Variants in EDN1 observed in about 807,000 individuals in gnomAD.
EDN1 encodes the protein endothelin-1.
Under a neutral mutation model 21.7 loss-of-function variants are expected in EDN1, and 11 were observed. The ratio of observed to expected loss-of-function variants is 0.51; its 90% CI spans 0.32 to 0.84. The LOEUF (loss-of-function observed/expected upper bound fraction) is 0.84, where lower values mean the gene tolerates loss of function less well. EDN1 is among the 40% of genes least tolerant of loss of function. The pLI, the probability that EDN1 is intolerant of heterozygous loss-of-function variation, is 0.03. For missense variants in EDN1, 244 were observed against 262.3 expected (o/e 0.93, Z 0.48); for synonymous variants, 85 against 90.6 (o/e 0.94, Z 0.35).
chr6:12,265,766 C>G, the EDN1 span, among the ~76,000 whole-genome samples: 1 of 152,170 alleles, frequency 6.6e-6, no homozygotes, highest in African/African-American at 2.4e-5. Context: ...TGTTTAGTCC[C>G]ATGGTAGTAA....
At chr6:12,232,122 A>T in the EDN1 span, among the ~76,000 whole-genome samples, 1 of 145,566 alleles carries the variant, frequency 6.9e-6, no homozygotes, top group African/African-American at 2.5e-5. Flanking sequence ...TTTATTATAT[A>T]AAATTATAAT....
the EDN1 span, among the ~76,000 whole-genome samples, chr6:12,269,153 T>C: frequency 1.3e-5 from 2 of 152,144 alleles, no homozygotes; most frequent in African/African-American, 4.8e-5. Context: ...TTTATAGAAA[T>C]GCTACTGATT....
chr6:12,233,391 T>C, the EDN1 span, among the ~76,000 whole-genome samples: 1 of 152,214 alleles, frequency 6.6e-6, no homozygotes, highest in Non-Finnish European at 1.5e-5. Flanking sequence ...AGAAATTATC[T>C]AGTCTACCCG....
the EDN1 span, among the ~76,000 whole-genome samples, chr6:12,230,682 C>T: frequency 6.4e-4 from 97 of 152,208 alleles, no homozygotes; most frequent in African/African-American, 2.2e-3. Context: ...CAGGTAGGAA[C>T]GTGTGGGTTG....
At chr6:12,286,306 A>G (rs1762558158), upstream of EDN1, among the ~76,000 whole-genome samples, 1 of 152,252 alleles carries the variant, frequency 6.6e-6, no homozygotes, top group African/African-American at 2.4e-5. Context: ...ATTGACCATC[A>G]TATTTCCTGT....
At chr6:12,230,954 C>G in the EDN1 span, among the ~76,000 whole-genome samples, 7 of 152,286 alleles carry the variant, frequency 4.6e-5, no homozygotes, top group East Asian at 9.6e-4. Flanking sequence ...AGAACCAAAA[C>G]AGTAGTTCAT....
At position 12,290,641 on chromosome 6, in the gene EDN1, G is replaced by T; in HGVS notation, c.12G>T (p.Leu4Phe). MDYLLMIFSLLFVA... is the reference protein window; with the variant it reads MDYFLMIFSLLFVA... ...CCCTTTTTTTCAGAATGGATTATTT[G>T]CTCATGATTTTCTCTCTGCTGTTTG... The change falls in exon 1 of 5, where the codon TTG (leucine) becomes TTT (phenylalanine). Residue 4 changes from leucine (L) to phenylalanine (F), a missense_variant. Physicochemically the swap from Leu to Phe is conservative, Grantham distance 22. Transcript: ENST00000379375. The T allele has an allele frequency of 1.9e-6, 3 of 1,614,126 alleles. No homozygotes were observed. The highest frequency in any genetic ancestry group is 1.7e-4 in the Middle Eastern group (1 of 6,060).
At chr6:12,292,649 C>A in intron 2 of EDN1, 140 bp downstream of exon 2, 1 of 1,006,510 alleles carries the variant, frequency 9.9e-7, no homozygotes. Context: ...GGACAGTTTC[C>A]CTCTATTCCT....
At chr6:12,285,254 TA>T in the EDN1 span, among the ~76,000 whole-genome samples, 1 of 152,268 alleles carries the variant, frequency 6.6e-6, no homozygotes, top group African/African-American at 2.4e-5. Context: ...GGAAGGGAGA[TA>T]AAAGATAACT....
At chr6:12,268,972 C>T in the EDN1 span, among the ~76,000 whole-genome samples, 11 of 151,978 alleles carry the variant, frequency 7.2e-5, no homozygotes, top group South Asian at 6.2e-4. Context: ...AACATGAGAC[C>T]GCTTTCCATT....
At chr6:12,277,102 T>C in the EDN1 span, among the ~76,000 whole-genome samples, 1 of 152,196 alleles carries the variant, frequency 6.6e-6, no homozygotes, top group African/African-American at 2.4e-5. Context: ...ATCTAGTGTG[T>C]TATGAAATTA....
At chr6:12,256,217 G>T in the EDN1 span, among the ~76,000 whole-genome samples, 6 of 152,146 alleles carry the variant, frequency 3.9e-5, no homozygotes, top group Non-Finnish European at 5.9e-5. Flanking sequence ...GCCAGACATG[G>T]TGGTGCACGT....
At chr6:12,232,189 T>G in the EDN1 span, among the ~76,000 whole-genome samples, 3 of 146,768 alleles carry the variant, frequency 2.0e-5, no homozygotes, top group Non-Finnish European at 4.5e-5. Flanking sequence ...TATATTATAT[T>G]ATATTTATAA....
the EDN1 span, among the ~76,000 whole-genome samples, chr6:12,237,810 C>T: frequency 6.6e-6 from 1 of 152,108 alleles, no homozygotes; most frequent in African/African-American, 2.4e-5. Context: ...CAAACTGCAT[C>T]GTCTGAGAAT....
the EDN1 span, among the ~76,000 whole-genome samples, chr6:12,282,575 TC>T: frequency 6.6e-6 from 1 of 152,216 alleles, no homozygotes; most frequent in Non-Finnish European, 1.5e-5. Context: ...TGATCCTTTC[TC>T]CTCTTCCTCC....
chr6:12,296,656 C>T lies in EDN1; in HGVS notation c.*589C>T, dbSNP rs1211750809. The T allele has an allele frequency of 6.5e-6, 1 of 154,064 alleles. No homozygotes were observed. Among genetic ancestry groups the T allele is most frequent in the African/African-American group, 2.4e-5 (1 of 41,450 alleles). The allele number at this position is 154,064 out of a possible 1,614,324, so 9.5% of individuals were successfully genotyped here. On this transcript the variant is annotated 3_prime_UTR_variant, in exon 5 of 5. Coordinates refer to ENST00000379375, the MANE Select transcript of EDN1 (RefSeq NM_001955.5). ...ATATGAGTCTACCTCACCTATATTG[C>T]ACTCTGGCAGAAGTATTTCCCACAT... is the stretch of plus-strand genomic sequence containing the variant.
chr6:12,266,035 G>A, the EDN1 span, among the ~76,000 whole-genome samples: 1 of 152,160 alleles, frequency 6.6e-6, no homozygotes, highest in Non-Finnish European at 1.5e-5. Context: ...AGAAACCAGG[G>A]CCACCCTCTT....
the EDN1 span, among the ~76,000 whole-genome samples, chr6:12,284,740 G>GAAAGAAAGTAAGA: frequency 3.5e-5 from 3 of 85,282 alleles, no homozygotes; most frequent in African/African-American, 1.5e-4. Flanking sequence ...AGGAAGGAAG[G>GAAAGAAAGTAAGA]AAGGAAGGAA....
the EDN1 span, among the ~76,000 whole-genome samples, chr6:12,245,609 A>G: frequency 2.6e-5 from 4 of 152,190 alleles, no homozygotes; most frequent in African/African-American, 9.6e-5. Flanking sequence ...CCCTTGCTAA[A>G]TTTAGGATTC....
Sources: allele counts gnomAD v4.1 joint callset (sites outside exome capture counted in the v4.1 genomes callset), GRCh38; gene constraint gnomAD v4.1.1; transcripts MANE v1.5; gene names NCBI Gene and HGNC (gene_info 2026-07-23, HGNC 2026-07-21).